TRIM28: variants seen among roughly 807,000 people sequenced by gnomAD.
TRIM28 encodes transcription intermediary factor 1-beta.
Under a neutral mutation model 87.4 loss-of-function variants are expected in TRIM28, and 8 were observed. The observed-to-expected ratio is 0.09, with a 90% CI of 0.05 to 0.17. The LOEUF (loss-of-function observed/expected upper bound fraction) is 0.17, where lower values mean the gene tolerates loss of function less well. Among genes scored for constraint, TRIM28 ranks in the 10% least tolerant of loss-of-function variants. The pLI, the probability that TRIM28 is intolerant of heterozygous loss-of-function variation, is 1.00. For synonymous variants in TRIM28, 601 were observed against 454.3 expected, an observed-to-expected ratio of 1.32 and a Z score of -4.11; for missense variants, 968 against 1,131.8, an observed-to-expected ratio of 0.86 and a Z score of 2.08.
In TRIM28 at chr19:58,544,933, T is replaced by C; in HGVS notation, c.176T>C (p.Leu59Pro). 4 of 1,443,500 alleles carry C rather than the reference T, an allele frequency of 2.8e-6. No individual in the cohort carries two copies. Among genetic ancestry groups the C allele is most frequent in the Non-Finnish European group, 3.6e-6 (4 of 1,107,786 alleles). 89.4% of individuals were successfully genotyped at this position (1,443,500 alleles called of 1,614,324 possible). A position where few individuals can be genotyped will look rare whatever the true frequency, so the allele number is the denominator to read the frequency against. Residue 59 changes from leucine to proline, a missense_variant, in exon 1 of 17, where the codon CTG (leucine) becomes CCG (proline). By Grantham distance (98) the Leu-to-Pro change is moderately conservative. Transcript: ENST00000253024. Reference protein sequence around the residue: ...SSPAGGGAEALELLEHCGVCR... With the variant: ...SSPAGGGAEAPELLEHCGVCR... ...CCCGCGGGGGGCGGCGCCGAGGCGC[T>C]GGAGCTGCTGGAGCACTGCGGCGTG...
rs374559988 is a variant in TRIM28, at chr19:58,548,992, C to T, written c.1414C>T (p.Arg472Cys). ...GCCAGGTTGCTGCATCTACAGGTCC[C>T]GCTCAGGTGAGGGCGAGGTGAGCGG... ...EPHVSGVKRS[R>C]SGEGEVSGLM... The change falls in exon 12 of 17, where the codon CGC (arginine) becomes TGC (cysteine). Residue 472 changes from arginine to cysteine, a missense_variant. Transcript: ENST00000253024. The T allele has an allele frequency of 1.8e-5, 29 of 1,613,944 alleles. No individual in the cohort carries two copies. The highest frequency in any genetic ancestry group is 6.7e-5 in the Admixed American group (4 of 60,000).
intron 11 of TRIM28, 29 bp from the exon 12 acceptor site, chr19:58,548,959 G>A (rs1323767053): frequency 2.5e-6 from 4 of 1,614,060 alleles, no homozygotes; most frequent in East Asian, 2.2e-5. Context: ...GGGTGGGGGT[G>A]TACTCATGCC....
In TRIM28 at chr19:58,549,653, G is replaced by C. The variant is rs1381659213; in HGVS notation, c.1982+3G>C. The C allele has an allele frequency of 6.2e-7, 1 of 1,609,376 alleles. No individual in the cohort carries two copies. The highest frequency in any genetic ancestry group is 1.7e-4 in the Middle Eastern group (1 of 6,046). ...CCGGCCCTGCAGGATGTACCAGGGT[G>C]AGTGTGAGGCTGGTGGGGGTCAAGT... is the stretch of plus-strand genomic sequence containing the variant. On this transcript the variant is annotated splice_donor_region_variant and intron_variant, in intron 13 of 16. Transcript: ENST00000253024. The surrounding 1 kb of genome is among the most constrained non-coding windows in gnomAD (Gnocchi z 4.4).
At chr19:58,546,401 C>T (rs1318295481) in intron 3 of TRIM28, among the ~76,000 whole-genome samples, 1 of 152,212 alleles carries the variant, frequency 6.6e-6, no homozygotes, top group African/African-American at 2.4e-5. Flanking sequence ...TTCACAGACA[C>T]AGCTAGCTTT....
Position 58,548,762 on chromosome 19 carries a change from A to T in TRIM28, c.1346A>T (p.Tyr449Phe). ...CAGCCCATGGAGGTGCAGGAAGGCT[A>T]TGGCTTTGGGTCAGGTGAGTGGGTC... ...SSQPMEVQEG[Y>F]GFGSGDDPYS... Residue 449 changes from tyrosine to phenylalanine, a missense_variant, in exon 10 of 17, where the codon TAT becomes TTT. Tyr to Phe is a conservative substitution (Grantham distance 22). Around this residue, in one of 11 missense-constraint regions of TRIM28, gnomAD observed 119 missense variants for 93.6 expected, o/e 1.27. Coordinates refer to ENST00000253024, the MANE Select transcript of TRIM28 (RefSeq NM_005762.3). 6.2e-7 allele frequency: 1 copy of T among 1,614,054 alleles called. No individual in the cohort carries two copies. Among genetic ancestry groups the T allele is most frequent in the Non-Finnish European group, 8.5e-7 (1 of 1,179,992 alleles).
rs1404045116 is a variant in TRIM28 at position 58,548,870 on chromosome 19, C to T, written c.1369C>T (p.Pro457Ser). The T allele has an allele frequency of 2.5e-6, 4 of 1,613,964 alleles. No homozygotes were observed. The African/African-American group carries it at 4.0e-5, about 16-fold the overall frequency. The change falls in exon 11 of 17, where the codon CCC (proline) becomes TCC (serine). Residue 457 changes from proline (P) to serine (S), a missense_variant. Coordinates refer to ENST00000253024, the MANE Select transcript of TRIM28 (RefSeq NM_005762.3). ...TTTCTCCATTTTCTAAGGAGATGAT[C>T]CCTACTCAAGTGCAGAGCCCCATGT... Reference protein sequence around the residue: ...EGYGFGSGDDPYSSAEPHVSG... With the variant: ...EGYGFGSGDDSYSSAEPHVSG...
At position 58,548,476 on chromosome 19, in the gene TRIM28, C is replaced by A. The variant is rs773218915; in HGVS notation, c.1217-10C>A. The A allele has an allele frequency of 5.0e-6, 8 of 1,613,984 alleles. No homozygotes were observed. The highest frequency in any genetic ancestry group is 6.8e-6 in the Non-Finnish European group (8 of 1,180,016). On this transcript the variant is annotated splice_polypyrimidine_tract_variant and intron_variant, in intron 8 of 16. Transcript: ENST00000253024. ...CTGCACCTACTTACGTTTCTCTCTT[C>A]TTTTTGCAGGCAAGATTGTGGCAGA...
Position 58,548,876 on chromosome 19 carries a change from TCAAGTG to T in TRIM28, c.1378_1383del (p.Ser460_Ala461del), listed in dbSNP as rs758916938. 3.1e-6 allele frequency: 5 copies of T among 1,613,908 alleles called. No homozygotes were observed. Among genetic ancestry groups the T allele is most frequent in the Middle Eastern group, 1.6e-4 (1 of 6,084 alleles). ...CATTTTCTAAGGAGATGATCCCTACTCAAGTGCAGAGCCCCATGTGTCAGGTGTGAA... is the reference window on the plus strand; with the variant it reads ...CATTTTCTAAGGAGATGATCCCTACTCAGAGCCCCATGTGTCAGGTGTGAA... On this transcript the variant is annotated inframe_deletion, in exon 11 of 17. Coordinates refer to ENST00000253024, the MANE Select transcript of TRIM28 (RefSeq NM_005762.3).
At position 58,548,926 on chromosome 19, in the gene TRIM28, C is replaced by G; in HGVS notation, c.1409+16C>G. 1 of 1,614,066 alleles carries G rather than the reference C, an allele frequency of 6.2e-7. No individual in the cohort carries two copies. The highest frequency in any genetic ancestry group is 8.5e-7 in the Non-Finnish European group (1 of 1,179,992). On this transcript the variant is annotated intron_variant, in intron 11 of 16. Coordinates refer to ENST00000253024, the MANE Select transcript of TRIM28 (RefSeq NM_005762.3). Reference sequence around the variant, plus strand: ...GTGTGAAACGGTAAGTATGGCACCTCCCCTGGGGGTGAGGTGGATGGAGGG... The same window carrying G: ...GTGTGAAACGGTAAGTATGGCACCTGCCCTGGGGGTGAGGTGGATGGAGGG...
In TRIM28 at chr19:58,549,010, G is replaced by T. The variant is rs150379429; in HGVS notation, c.1432G>T (p.Val478Leu). 8 of 1,613,994 alleles carry T rather than the reference G, an allele frequency of 5.0e-6. No individual in the cohort carries two copies. Among genetic ancestry groups the T allele is most frequent in the Non-Finnish European group, 6.8e-6 (8 of 1,180,006 alleles). The change falls in exon 12 of 17, where the codon GTG becomes TTG. Residue 478 changes from valine to leucine, a missense_variant. By Grantham distance (32) the Val-to-Leu change is conservative (BLOSUM62 1). Transcript: ENST00000253024. The surrounding 1 kb of genome is among the most constrained non-coding windows in gnomAD (Gnocchi z 4.4). ...VKRSRSGEGEVSGLMRKVPRV... is the reference protein window; with the variant it reads ...VKRSRSGEGELSGLMRKVPRV... ...CAGGTCCCGCTCAGGTGAGGGCGAG[G>T]TGAGCGGCCTTATGCGCAAGGTGCC...
rs764304860 is a variant in TRIM28 at position 58,547,916 on chromosome 19, G to C, written c.954+10G>C. ...GGTCAATGATGCCCAGGTAAGCCTT[G>C]TGCCGGTGAGAAGGGTCCCTGAGCC... On this transcript the variant is annotated intron_variant, in intron 6 of 16. Coordinates refer to ENST00000253024, the MANE Select transcript of TRIM28 (RefSeq NM_005762.3). The C allele has an allele frequency of 1.9e-6, 3 of 1,613,990 alleles. No homozygotes were observed. The highest frequency in any genetic ancestry group is 2.5e-6 in the Non-Finnish European group (3 of 1,180,002).
Position 58,549,336 on chromosome 19 carries a change from G to A in TRIM28, c.1668G>A (p.Glu556=), listed in dbSNP as rs1428394892. The A allele has an allele frequency of 6.4e-7, 1 of 1,565,890 alleles. No homozygotes were observed. ...CCCTCATCACCACCTTGCAGGAGGA[G>A]GAGACGGAGGCTGCCATTGGAGCCC... The part of the protein sequence containing the change: ...PLAGMAIVKE[E]ETEAAIGAPP... The change falls in exon 13 of 17, where the codon GAG becomes GAA. Residue 556 remains glutamate, a synonymous_variant. Transcript: ENST00000253024. The surrounding 1 kb of genome is among the most constrained non-coding windows in gnomAD (Gnocchi z 4.4).
intron 8 of TRIM28, 38 bp from the exon 9 acceptor site, chr19:58,548,448 G>A (rs765964632): frequency 1.9e-5 from 31 of 1,613,868 alleles, no homozygotes; most frequent in Middle Eastern, 1.6e-4. Flanking sequence ...ATTACCCCAC[G>A]TGCTGCACCT....
intron 3 of TRIM28, among the ~76,000 whole-genome samples, chr19:58,546,945 G>T (rs148754232): frequency 2.8e-4 from 42 of 152,124 alleles, no homozygotes; most frequent in African/African-American, 9.9e-4. Context: ...CTCTTGTCAG[G>T]GAAGAGGGAG....
chr19:58,545,274 TC>T, intron 1 of TRIM28, 150 bp from the exon 2 acceptor site: 1 of 886,382 alleles, frequency 1.1e-6, no homozygotes, highest in Middle Eastern at 3.6e-4. Context: ...AGATGGGACA[TC>T]TGACTAAAGT....
Position 58,550,446 on chromosome 19 carries a change from G to A in TRIM28, c.2401G>A (p.Gly801Ser). The change falls in exon 17 of 17, where the codon GGT becomes AGT. Residue 801 changes from glycine (G) to serine (S), a missense_variant. This residue lies in a region of TRIM28 where 192 missense variants were observed against 225.6 expected (regional missense o/e 0.85). Transcript: ENST00000253024. ...FFETRMNEAF[G>S]DTKFSAVLVE... is the part of the protein sequence containing the mutation. Reference sequence around the variant, plus strand: ...CGAGACGCGCATGAACGAGGCCTTCGGTGACACCAAGTTCTCTGCTGTGCT... The same window carrying A: ...CGAGACGCGCATGAACGAGGCCTTCAGTGACACCAAGTTCTCTGCTGTGCT... 1 of 1,613,244 alleles carries A rather than the reference G, an allele frequency of 6.2e-7. No homozygotes were observed. Among genetic ancestry groups the A allele is most frequent in the Non-Finnish European group, 8.5e-7 (1 of 1,180,004 alleles).
At chr19:58,546,752 A>G (rs940241718) in intron 3 of TRIM28, among the ~76,000 whole-genome samples, 1 of 152,006 alleles carries the variant, frequency 6.6e-6, no homozygotes, top group African/African-American at 2.4e-5. Context: ...TAATGGGGAG[A>G]CAGGCTTTGG....
At position 58,549,442 on chromosome 19, in the gene TRIM28, C is replaced by G. The variant is rs1204938049; in HGVS notation, c.1774C>G (p.Leu592Val). 15 of 1,609,232 alleles carry G rather than the reference C, an allele frequency of 9.3e-6. No homozygotes were observed. The highest frequency in any genetic ancestry group is 2.7e-5 in the African/African-American group (2 of 74,852). ...AEGPGAEGPR[L>V]ASPSGSTSSG... is the part of the protein sequence containing the mutation. ...GGGTCCTGGTGCTGAGGGTCCCCGC[C>G]TGGCCTCACCTAGTGGCAGCACCAG... Residue 592 changes from leucine (L) to valine (V), a missense_variant, in exon 13 of 17, where the codon CTG becomes GTG. Physicochemically the swap from Leu to Val is conservative, Grantham distance 32 (BLOSUM62 1). Transcript: ENST00000253024. This position sits in a 1 kb window ranked among gnomAD's most constrained non-coding sequence, Gnocchi z 4.4.
At position 58,549,193 on chromosome 19, in the gene TRIM28, G is replaced by T; in HGVS notation, c.1615G>T (p.Ala539Ser). Residue 539 changes from alanine (A) to serine (S), a missense_variant, in exon 12 of 17, where the codon GCA becomes TCA. Transcript: ENST00000253024. The surrounding 1 kb of genome is among the most constrained non-coding windows in gnomAD (Gnocchi z 4.4). ...TACCGGCCAGCCAGGGACTGCGCCT[G>T]CAGGAACCCCTGGTGCCCCACCCCT... The part of the protein sequence containing the change: ...AATGQPGTAP[A>S]GTPGAPPLAG... 6.2e-7 allele frequency: 1 copy of T among 1,613,946 alleles called. No homozygotes were observed. The highest frequency in any genetic ancestry group is 8.5e-7 in the Non-Finnish European group (1 of 1,179,932).
Sources: gnomAD v4.1 joint callset for allele counts (sites outside exome capture counted in the v4.1 genomes callset) on GRCh38, gnomAD v4.1.1 for gene constraint, gnomAD v4.1.1 regional missense constraint, Gnocchi (gnomAD v3.1) non-coding constraint, MANE v1.5 for transcripts, NCBI Gene and HGNC (gene_info 2026-07-23, HGNC 2026-07-21) for gene names.